Variants in KIF21A observed in about 807,000 individuals in gnomAD.
The protein encoded by KIF21A is kinesin family member 21A.
A neutral mutation model predicts 202.9 loss-of-function variants in KIF21A; 114 were observed. That is an observed-to-expected ratio of 0.56 (90% confidence interval 0.48 to 0.66). KIF21A has a LOEUF of 0.66. KIF21A is among the 30% of genes least tolerant of loss of function. The probability of loss-of-function intolerance (pLI) is 0.00; values close to 1 mark genes in which losing one functional copy is unlikely to be tolerated. For synonymous variants in KIF21A, 667 were observed against 670.8 expected (o/e 0.99, Z 0.09); for missense variants, 1,677 against 1,994.9 (o/e 0.84, Z 3.04).
At chr12:39,378,997 G>T (rs1950437633) in intron 1 of KIF21A, among the ~76,000 whole-genome samples, 1 of 152,002 alleles carries the variant, frequency 6.6e-6, no homozygotes, top group East Asian at 1.9e-4. Flanking sequence ...TTGTTCCCTG[G>T]TTATGACACA....
At chr12:39,360,285 A>C (rs1206111106) in intron 7 of KIF21A, among the ~76,000 whole-genome samples, 1 of 152,094 alleles carries the variant, frequency 6.6e-6, no homozygotes, top group Non-Finnish European at 1.5e-5. Context: ...TATCACTTAA[A>C]TATTTTATTA....
chr12:39,412,510 A>G (rs1283882244), intron 1 of KIF21A, among the ~76,000 whole-genome samples: 1 of 152,124 alleles, frequency 6.6e-6, no homozygotes, highest in Non-Finnish European at 1.5e-5. Flanking sequence ...CGAGCTCAGG[A>G]GTTCAAGACC....
chr12:39,423,403 T>C (rs577637429), intron 1 of KIF21A, among the ~76,000 whole-genome samples: 2 of 152,182 alleles, frequency 1.3e-5, no homozygotes, highest in East Asian at 3.9e-4. Context: ...ACACACTGCC[T>C]CATCCACTGA....
At chr12:39,426,718 CA>C (rs1200308560) in intron 1 of KIF21A, among the ~76,000 whole-genome samples, 1,632 of 81,866 alleles carry the variant, frequency 0.02, 17 homozygotes, top group African/African-American at 0.047. Flanking sequence ...ACTAAAAATA[CA>C]AAAAAAAAAA....
chr12:39,432,611 C>A (rs2140372010), intron 1 of KIF21A, among the ~76,000 whole-genome samples: 1 of 151,018 alleles, frequency 6.6e-6, no homozygotes. Flanking sequence ...TAAAGATGGA[C>A]AAATTCTTTT....
rs182078500 is a variant in KIF21A, at chr12:39,300,289, T to A, written c.4931+1191A>T. Among the ~76,000 whole-genome samples the A allele has an allele frequency of 1.7e-3, 266 of 152,210 alleles. 1 individual carries two copies. Among genetic ancestry groups the A allele is most frequent in the Non-Finnish European group, 3.3e-3 (221 of 67,986 alleles). On this transcript the variant is annotated intron_variant, in intron 37 of 37. Transcript: ENST00000361418. ...GTAAATTTTCAAGGACACAATAAGT[T>A]TCCAAGGAAGTAAGCAAAAGCGGTG...
At chr12:39,382,912 C>T (rs543922158) in intron 1 of KIF21A, among the ~76,000 whole-genome samples, 90 of 152,110 alleles carry the variant, frequency 5.9e-4, no homozygotes, top group Admixed American at 1.4e-3. Context: ...GAAAGCTAGC[C>T]GAATGTCATC....
chr12:39,350,312 A>G (rs1948258907), intron 11 of KIF21A, among the ~76,000 whole-genome samples: 1 of 152,060 alleles, frequency 6.6e-6, no homozygotes, highest in African/African-American at 2.4e-5. Context: ...ATTTTTCATT[A>G]GTCATATTCA....
intron 5 of KIF21A, 142 bp downstream of exon 5, chr12:39,366,888 A>T: frequency 2.3e-6 from 2 of 859,274 alleles, no homozygotes; most frequent in South Asian, 3.2e-5. Context: ...GACCAGCTTC[A>T]ACTTAACTAG....
chr12:39,387,483 G>A (rs1951027700), intron 1 of KIF21A, among the ~76,000 whole-genome samples: 2 of 152,106 alleles, frequency 1.3e-5, no homozygotes, highest in Non-Finnish European at 2.9e-5. Context: ...CTACTGCCAG[G>A]ATAAAAATCA....
At chr12:39,441,014 CAAAAAA>C (rs201462096) in intron 1 of KIF21A, among the ~76,000 whole-genome samples, 2 of 146,402 alleles carry the variant, frequency 1.4e-5, no homozygotes, top group South Asian at 4.4e-4. Flanking sequence ...AACCCTATCT[CAAAAAA>C]AAGAAAGAAG....
At chr12:39,383,850 T>C (rs1481769743) in intron 1 of KIF21A, among the ~76,000 whole-genome samples, 1 of 152,152 alleles carries the variant, frequency 6.6e-6, no homozygotes, top group African/African-American at 2.4e-5. Context: ...TAAAACACCA[T>C]GAAGAGGCTT....
At chr12:39,426,335 A>G (rs1954747821) in intron 1 of KIF21A, among the ~76,000 whole-genome samples, 1 of 151,672 alleles carries the variant, frequency 6.6e-6, no homozygotes, top group Non-Finnish European at 1.5e-5. Context: ...ACACGCATGT[A>G]TGCGTGTACT....
intron 1 of KIF21A, among the ~76,000 whole-genome samples, chr12:39,441,204 A>C (rs1939527406): frequency 6.6e-6 from 1 of 152,168 alleles, no homozygotes; most frequent in Non-Finnish European, 1.5e-5. Flanking sequence ...CATACACACC[A>C]AAACAAAATA....
intron 28 of KIF21A, 127 bp downstream of exon 28, chr12:39,319,779 G>C: frequency 1.5e-6 from 1 of 682,884 alleles, no homozygotes; most frequent in Non-Finnish European, 2.6e-6. Flanking sequence ...TGACTGTCTT[G>C]ATTAGTCAAA....
At chr12:39,348,747 C>T (rs1204894038) in intron 11 of KIF21A, among the ~76,000 whole-genome samples, 6 of 151,470 alleles carry the variant, frequency 4.0e-5, no homozygotes, top group African/African-American at 1.2e-4. Flanking sequence ...AAACAAGCCC[C>T]AGACAGGTTT....
intron 10 of KIF21A, among the ~76,000 whole-genome samples, chr12:39,353,952 C>A (rs1046967947): frequency 6.6e-6 from 1 of 152,056 alleles, no homozygotes; most frequent in Non-Finnish European, 1.5e-5. Flanking sequence ...GGTATGAGGG[C>A]AAGTGTACAA....
intron 6 of KIF21A, 84 bp downstream of exon 6, chr12:39,366,266 T>G: frequency 8.1e-7 from 1 of 1,240,786 alleles, no homozygotes; most frequent in Non-Finnish European, 1.2e-6. Flanking sequence ...CTGAAGGATT[T>G]CCATATGGAT....
At chr12:39,413,655 G>GT (rs1169160744) in intron 1 of KIF21A, among the ~76,000 whole-genome samples, 1 of 152,194 alleles carries the variant, frequency 6.6e-6, no homozygotes, top group Non-Finnish European at 1.5e-5. Flanking sequence ...GCCAGGCACA[G>GT]TGACTAATGC....
Sources: allele counts gnomAD v4.1 joint callset (sites outside exome capture counted in the v4.1 genomes callset), GRCh38; gene constraint gnomAD v4.1.1; transcripts MANE v1.5; gene names NCBI Gene and HGNC (gene_info 2026-07-23, HGNC 2026-07-21).